Variants in PHF20 observed in about 807,000 individuals in gnomAD.
PHF20 encodes PHD finger protein 20, also known as glioma-expressed antigen 2.
PHF20 carries 23 observed loss-of-function variants against 113.5 expected under a neutral mutation model. That is an observed-to-expected ratio of 0.20 (90% CI 0.15 to 0.29). The LOEUF (loss-of-function observed/expected upper bound fraction) is 0.29, where lower values mean the gene tolerates loss of function less well. PHF20 is among the 10% of genes least tolerant of loss of function. The pLI is 1.00. For missense variants in PHF20, 943 were observed against 1,219.6 expected (o/e 0.77, Z 3.38); for synonymous variants, 434 against 457.3 (o/e 0.95, Z 0.65).
At chr20:35,858,097 G>A (rs913530533) in intron 4 of PHF20, among the ~76,000 whole-genome samples, 16 of 151,998 alleles carry the variant, frequency 1.1e-4, no homozygotes, top group Non-Finnish European at 7.4e-5. Flanking sequence ...TTCAATTTAC[G>A]TAGGTAGAAA....
chr20:35,871,750 C>T lies in PHF20; in HGVS notation c.1203C>T (p.Cys401=), dbSNP rs768875719. ...GGGCTGCAGGCTTGGAGTTGAACTG[C>T]CCATCAATGGGAGAAAACACGATGA... ...GSGAAGLELN[C]PSMGENTMKT... is the part of the protein sequence containing the mutation. Residue 401 remains cysteine, a synonymous_variant, in exon 9 of 18, where the codon TGC becomes TGT. Coordinates refer to ENST00000374012, the MANE Select transcript of PHF20 (RefSeq NM_016436.5). The T allele has an allele frequency of 2.5e-6, 4 of 1,613,640 alleles. No individual in the cohort carries two copies. The East Asian group carries it at 6.7e-5, about 27-fold the overall frequency.
At chr20:35,892,013 G>C in intron 9 of PHF20, among the ~76,000 whole-genome samples, 1 of 151,744 alleles carries the variant, frequency 6.6e-6, no homozygotes, top group Non-Finnish European at 1.5e-5. Context: ...GGGATTACAG[G>C]CATCCGCCAC....
chr20:35,912,697 T>C (rs1031816301), intron 10 of PHF20, among the ~76,000 whole-genome samples: 27 of 152,026 alleles, frequency 1.8e-4, no homozygotes, highest in African/African-American at 6.3e-4. Context: ...CCAGGTGTGG[T>C]GGCGTGTGTC....
chr20:35,925,700 T>TAA (rs2055615768), intron 13 of PHF20, among the ~76,000 whole-genome samples: 1 of 151,716 alleles, frequency 6.6e-6, no homozygotes, highest in African/African-American at 2.4e-5. Flanking sequence ...TATTTACATT[T>TAA]TTTTTTTTTT....
intron 10 of PHF20, among the ~76,000 whole-genome samples, chr20:35,902,612 C>G (rs546363471): frequency 6.6e-6 from 1 of 152,318 alleles, no homozygotes; most frequent in Admixed American, 6.5e-5. Flanking sequence ...TACCACCTGG[C>G]TTTGGGATTC....
intron 17 of PHF20, among the ~76,000 whole-genome samples, chr20:35,943,609 C>CTTTA (rs746118909): frequency 8.6e-4 from 128 of 148,812 alleles, no homozygotes; most frequent in South Asian, 2.3e-3. Flanking sequence ...ATGAATAGTA[C>CTTTA]TTTATTTATT....
chr20:35,946,106 G>C (rs2056078869), intron 17 of PHF20, among the ~76,000 whole-genome samples: 1 of 152,066 alleles, frequency 6.6e-6, no homozygotes, highest in South Asian at 2.1e-4. Context: ...GGGAGGCGGA[G>C]GTTGCAGTGA....
At chr20:35,935,617 T>G (rs1205987211) in intron 15 of PHF20, among the ~76,000 whole-genome samples, 1 of 152,244 alleles carries the variant, frequency 6.6e-6, no homozygotes, top group Non-Finnish European at 1.5e-5. Flanking sequence ...TTTGTCTGCC[T>G]CGGCCTCCTA....
At chr20:35,917,460 C>T (rs566023327) in intron 12 of PHF20, 24 bp from the exon 13 acceptor site, 1 of 1,596,114 alleles carries the variant, frequency 6.3e-7, no homozygotes, top group Admixed American at 1.7e-5. Context: ...AAAATAGTAA[C>T]TGTTGTTTTC....
At chr20:35,834,247 G>GTTT (rs769738682) in intron 2 of PHF20, among the ~76,000 whole-genome samples, 26 of 111,096 alleles carry the variant, frequency 2.3e-4, no homozygotes, top group African/African-American at 4.5e-4. Context: ...TACAGCTATG[G>GTTT]TTTTTTTTTT....
chr20:35,842,459 G>T, intron 2 of PHF20, 114 bp from the exon 3 acceptor site: 3 of 894,250 alleles, frequency 3.4e-6, no homozygotes, highest in East Asian at 2.5e-5. Flanking sequence ...GTCTCTAAAC[G>T]GTAGGCCTGG....
chr20:35,817,881 G>T (rs2042104277), intron 2 of PHF20, among the ~76,000 whole-genome samples: 1 of 151,856 alleles, frequency 6.6e-6, no homozygotes, highest in South Asian at 2.1e-4. Flanking sequence ...GCTGAAGTAG[G>T]CAGATCACTT....
At chr20:35,835,606 T>G (rs183932563) in intron 2 of PHF20, among the ~76,000 whole-genome samples, 4 of 152,252 alleles carry the variant, frequency 2.6e-5, no homozygotes, top group Admixed American at 2.6e-4. Context: ...ATAACTTAAA[T>G]TTAAGAAATC....
chr20:35,913,424 C>T (rs567378940), intron 11 of PHF20, 77 bp downstream of exon 11: 1 of 988,930 alleles, frequency 1.0e-6, no homozygotes, highest in African/African-American at 1.6e-5. Flanking sequence ...CCATTATGGC[C>T]TCTGGGCCTG....
chr20:35,926,386 C>T (rs1307961438), intron 13 of PHF20, among the ~76,000 whole-genome samples: 6 of 151,326 alleles, frequency 4.0e-5, no homozygotes, highest in East Asian at 2.0e-4. Context: ...TACAGGCGCC[C>T]GCCACCACGC....
intron 1 of PHF20, among the ~76,000 whole-genome samples, chr20:35,793,182 T>G (rs1452461854): frequency 6.6e-6 from 1 of 152,152 alleles, no homozygotes; most frequent in East Asian, 1.9e-4. Context: ...AGCTCCTTTC[T>G]GCCGGAGATT....
chr20:35,815,526 A>T (rs1047159679), intron 2 of PHF20, among the ~76,000 whole-genome samples: 7 of 151,808 alleles, frequency 4.6e-5, no homozygotes, highest in African/African-American at 1.7e-4. Flanking sequence ...GTGTAGCGCG[A>T]GTGATCTCAG....
intron 10 of PHF20, among the ~76,000 whole-genome samples, chr20:35,905,952 A>T (rs948049092): frequency 1.3e-5 from 2 of 152,252 alleles, no homozygotes; most frequent in Non-Finnish European, 2.9e-5. Context: ...GAGGTTTCTC[A>T]GTATACCAGA....
chr20:35,889,339 G>A (rs891477120), intron 9 of PHF20, among the ~76,000 whole-genome samples: 10 of 151,396 alleles, frequency 6.6e-5, no homozygotes, highest in Non-Finnish European at 1.3e-4. Context: ...TATTTTGCTC[G>A]TAATATTTTG....
Sources: gnomAD v4.1 joint callset for allele counts (sites outside exome capture counted in the v4.1 genomes callset) on GRCh38, gnomAD v4.1.1 for gene constraint, MANE v1.5 for transcripts, NCBI Gene and HGNC (gene_info 2026-07-23, HGNC 2026-07-21) for gene names.